Variants in SH3RF2 observed in about 807,000 individuals in gnomAD.
SH3RF2 encodes the protein SH3 domain containing ring finger 2.
Under a neutral mutation model 59.0 loss-of-function variants are expected in SH3RF2, and 43 were observed. That is an observed-to-expected ratio of 0.73 (90% CI 0.57 to 0.94). SH3RF2 has a LOEUF of 0.94. Among genes scored for constraint, SH3RF2 ranks in the 40% least tolerant of loss-of-function variants. The pLI, the probability that SH3RF2 is intolerant of heterozygous loss-of-function variation, is 0.00. For missense variants in SH3RF2, 930 were observed against 940.1 expected, an observed-to-expected ratio of 0.99 and a Z score of 0.14; for synonymous variants, 391 against 391.5, an observed-to-expected ratio of 1.00 and a Z score of 0.01.
chr5:146,023,555 T>G (rs1761412140), intron 5 of SH3RF2, among the ~76,000 whole-genome samples: 1 of 152,194 alleles, frequency 6.6e-6, no homozygotes. Flanking sequence ...CTTGAAAGCT[T>G]CGGGCTCAAT....
At chr5:146,035,259 A>C (rs567934216) in intron 5 of SH3RF2, among the ~76,000 whole-genome samples, 6 of 152,222 alleles carry the variant, frequency 3.9e-5, no homozygotes, top group African/African-American at 1.4e-4. Context: ...CACATGGCAG[A>C]AAGTAAATTT....
chr5:146,070,806 T>C (rs558427857), intron 9 of SH3RF2, among the ~76,000 whole-genome samples: 1 of 152,194 alleles, frequency 6.6e-6, no homozygotes, highest in Non-Finnish European at 1.5e-5. Flanking sequence ...AGATGCAAAC[T>C]AATTAGGCAA....
intron 2 of SH3RF2, among the ~76,000 whole-genome samples, chr5:145,987,897 A>G (rs1354235979): frequency 6.6e-6 from 1 of 152,206 alleles, no homozygotes; most frequent in Non-Finnish European, 1.5e-5. Flanking sequence ...ATTGTTTATC[A>G]CATTAATCGT....
At chr5:145,993,650 A>G (rs1244134344) in intron 2 of SH3RF2, among the ~76,000 whole-genome samples, 2 of 152,204 alleles carry the variant, frequency 1.3e-5, no homozygotes. Flanking sequence ...GGCTCCTTTC[A>G]GCCACAGCTG....
intron 5 of SH3RF2, among the ~76,000 whole-genome samples, chr5:146,022,628 C>T (rs1761366608): frequency 6.6e-6 from 1 of 152,032 alleles, no homozygotes. Context: ...AATCCCAGCA[C>T]TTTGGGTGGC....
At chr5:145,999,367 T>G (rs1254684580) in intron 2 of SH3RF2, among the ~76,000 whole-genome samples, 2 of 152,258 alleles carry the variant, frequency 1.3e-5, no homozygotes, top group Admixed American at 6.5e-5. Flanking sequence ...TTATCATTTA[T>G]GTATTCACTG....
chr5:145,999,547 T>C (rs1760306696), intron 2 of SH3RF2, among the ~76,000 whole-genome samples: 1 of 152,184 alleles, frequency 6.6e-6, no homozygotes, highest in African/African-American at 2.4e-5. Context: ...ACTCTTCCTT[T>C]CACTTGAAAA....
chr5:146,073,021 A>G (rs1561777041), intron 9 of SH3RF2, among the ~76,000 whole-genome samples: 1 of 152,122 alleles, frequency 6.6e-6, no homozygotes, highest in African/African-American at 2.4e-5. Context: ...ATTTACATTC[A>G]TTTTCTCATT....
chr5:145,997,697 GA>G, intron 2 of SH3RF2: 1 of 1,565,886 alleles, frequency 6.4e-7, no homozygotes, highest in Admixed American at 1.8e-5. Context: ...AGGTAACAGG[GA>G]AAAAGGTATA....
chr5:146,033,338 T>C (rs1761804911), intron 5 of SH3RF2, among the ~76,000 whole-genome samples: 2 of 152,076 alleles, frequency 1.3e-5, no homozygotes, highest in Admixed American at 6.5e-5. Flanking sequence ...GTCTTTCACA[T>C]TGTCTTACCT....
chr5:146,041,811 G>A (rs992195550), intron 5 of SH3RF2, among the ~76,000 whole-genome samples: 1 of 152,132 alleles, frequency 6.6e-6, no homozygotes, highest in Admixed American at 6.5e-5. Context: ...CACATCTGTA[G>A]TCCCAGCCAC....
Position 146,000,166 on chromosome 5 carries a change from T to A in SH3RF2, c.487T>A (p.Tyr163Asn). The change falls in exon 3 of 10, where the codon TAC becomes AAC. Residue 163 changes from tyrosine (Y) to asparagine (N), a missense_variant. By Grantham distance (143) the Tyr-to-Asn change is moderately radical. Transcript: ENST00000359120. ...CCGGAGACAGCTTGATGAGAATTGGTACCAGGGGGAAATCAATGGCATCAG... is the reference window on the plus strand; with the variant it reads ...CCGGAGACAGCTTGATGAGAATTGGAACCAGGGGGAAATCAATGGCATCAG... Reference protein sequence around the residue: ...LLRRQLDENWYQGEINGISGN... With the variant: ...LLRRQLDENWNQGEINGISGN... The A allele has an allele frequency of 6.2e-7, 1 of 1,613,876 alleles. No homozygotes were observed. The highest frequency in any genetic ancestry group is 1.7e-4 in the Middle Eastern group (1 of 6,060).
chr5:145,995,871 A>G (rs994755276), intron 2 of SH3RF2, among the ~76,000 whole-genome samples: 7 of 152,176 alleles, frequency 4.6e-5, no homozygotes, highest in African/African-American at 1.7e-4. Context: ...AACGCTCAAT[A>G]TTATTAATTA....
intron 2 of SH3RF2, among the ~76,000 whole-genome samples, chr5:145,938,864 G>A (rs1019010608): frequency 6.6e-6 from 1 of 152,214 alleles, no homozygotes; most frequent in African/African-American, 2.4e-5. Context: ...CATCTATGTG[G>A]GTGGACTGAT....
At chr5:146,014,969 T>C (rs1246991795) in intron 5 of SH3RF2, among the ~76,000 whole-genome samples, 1 of 152,258 alleles carries the variant, frequency 6.6e-6, no homozygotes, top group Non-Finnish European at 1.5e-5. Context: ...AAGAGCTGCA[T>C]GTTGGGTATT....
intron 2 of SH3RF2, among the ~76,000 whole-genome samples, chr5:145,986,027 A>AAATAAAT (rs1453806463): frequency 1.5e-5 from 2 of 133,690 alleles, no homozygotes; most frequent in Non-Finnish European, 2.9e-5. Flanking sequence ...ATAAATAAAT[A>AAATAAAT]AATAAATAAA....
chr5:145,958,480 T>C (rs567589968), intron 2 of SH3RF2, among the ~76,000 whole-genome samples: 2 of 152,310 alleles, frequency 1.3e-5, no homozygotes, highest in Admixed American at 1.3e-4. Context: ...TGAGGCCTGA[T>C]CTGGATTGGG....
intron 2 of SH3RF2, among the ~76,000 whole-genome samples, chr5:145,991,266 TTC>T (rs1282582754): frequency 1.3e-5 from 2 of 152,338 alleles, no homozygotes; most frequent in East Asian, 3.9e-4. Flanking sequence ...ATATCAGAAC[TTC>T]TGTTTCCTCA....
intron 2 of SH3RF2, among the ~76,000 whole-genome samples, chr5:145,994,179 C>T (rs1760061906): frequency 6.6e-6 from 1 of 152,212 alleles, no homozygotes; most frequent in African/African-American, 2.4e-5. Context: ...AGTTTCTCAT[C>T]TCCATCTGAG....
Sources: gnomAD v4.1 joint callset for allele counts (sites outside exome capture counted in the v4.1 genomes callset) on GRCh38, gnomAD v4.1.1 for gene constraint, MANE v1.5 for transcripts, NCBI Gene and HGNC (gene_info 2026-07-23, HGNC 2026-07-21) for gene names.